Variants in CIAO1 observed in about 807,000 individuals in gnomAD.
CIAO1 encodes the protein probable cytosolic iron-sulfur protein assembly protein CIAO1.
A neutral mutation model predicts 43.1 loss-of-function variants in CIAO1; 32 were observed. The ratio of observed to expected loss-of-function variants is 0.74; its 90% CI spans 0.56 to 1.00. CIAO1 has a LOEUF of 1.00. Among genes scored for constraint, CIAO1 ranks in the 50% least tolerant of loss-of-function variants. The probability of loss-of-function intolerance (pLI) is 0.00; values close to 1 mark genes in which losing one functional copy is unlikely to be tolerated. For missense variants in CIAO1, 415 were observed against 437.4 expected (o/e 0.95, Z 0.46); for synonymous variants, 183 against 171.4 (o/e 1.07, Z -0.53).
At position 96,269,152 on chromosome 2, in the gene CIAO1, C is replaced by T. The variant is rs559424305; in HGVS notation, c.692-116C>T. On this transcript the variant is annotated intron_variant, in intron 5 of 6. Coordinates refer to ENST00000488633, the MANE Select transcript of CIAO1 (RefSeq NM_004804.3). ...AGATAAGCAGGGATGGGGACACGAA[C>T]GGAGACACAGACTCATAATCAGTTG... The T allele has an allele frequency of 1.3e-4, 111 of 850,552 alleles. 1 individual carries two copies. The African/African-American group carries it at 1.6e-3, about 12-fold the overall frequency. The allele number at this position is 850,552 out of a possible 1,614,324, so 52.7% of individuals were successfully genotyped here. A position where few individuals can be genotyped will look rare whatever the true frequency, so the allele number is the denominator to read the frequency against.
In CIAO1 at chr2:96,271,349, TGAG is replaced by T. The variant is rs758328244; in HGVS notation, c.1019_*1del. The T allele has an allele frequency of 1.4e-5, 22 of 1,613,618 alleles. No homozygotes were observed. The highest frequency in any genetic ancestry group is 1.9e-5 in the Non-Finnish European group (22 of 1,179,962). ...GAAGTATCAGCGGCCTGAAGGCCTC[TGAG>T]CTACCTCGACTTTGGACAGAGTAAT... On this transcript the variant is annotated stop_lost and 3_prime_UTR_variant, in exon 7 of 7. Transcript: ENST00000488633.
In CIAO1 at chr2:96,272,104, T is replaced by G. The variant is rs987203559; in HGVS notation, c.*753T>G. On this transcript the variant is annotated 3_prime_UTR_variant, in exon 7 of 7. Coordinates refer to ENST00000488633, the MANE Select transcript of CIAO1 (RefSeq NM_004804.3). ...CTCCTAAGGCCCACAGCACATATAG[T>G]GTGTCTGTGATATTCCATTTTCATG... The G allele has an allele frequency of 6.6e-6, 1 of 152,134 alleles. No homozygotes were observed. Among genetic ancestry groups the G allele is most frequent in the Non-Finnish European group, 1.5e-5 (1 of 68,022 alleles). The allele number at this position is 152,134 out of a possible 1,614,324, so 9.4% of individuals were successfully genotyped here.
At position 96,267,401 on chromosome 2, in the gene CIAO1, A is replaced by T. The variant is rs1377504692; in HGVS notation, c.220A>T (p.Asn74Tyr). The change falls in exon 2 of 7, where the codon AAT becomes TAT. Residue 74 changes from asparagine (N) to tyrosine (Y), a missense_variant. By Grantham distance (143) the Asn-to-Tyr change is moderately radical (BLOSUM62 -2). Coordinates refer to ENST00000488633, the MANE Select transcript of CIAO1 (RefSeq NM_004804.3). ...GAAGGTAGCCTGGTCCCCCTGCGGT[A>T]ATTACCTGGCCTCTGCCAGCTTTGA... ...VRKVAWSPCGNYLASASFDAT... is the reference protein window; with the variant it reads ...VRKVAWSPCGYYLASASFDAT... 6.2e-7 allele frequency: 1 copy of T among 1,614,154 alleles called. No individual in the cohort carries two copies. Among genetic ancestry groups the T allele is most frequent in the Admixed American group, 1.7e-5 (1 of 60,026 alleles).
In CIAO1 at chr2:96,266,296, C is replaced by A; in HGVS notation, c.-55C>A. The A allele has an allele frequency of 7.5e-7, 1 of 1,328,670 alleles. No homozygotes were observed. The allele number at this position is 1,328,670 out of a possible 1,614,324, so 82.3% of individuals were successfully genotyped here. A position where few individuals can be genotyped will look rare whatever the true frequency, so the allele number is the denominator to read the frequency against. The stretch of plus-strand genomic sequence containing the variant: ...GTACGCAGACGCGCGCGGTGAGACC[C>A]GCTGTCTGCTCAGCGGACTCTGCCC... On this transcript the variant is annotated 5_prime_UTR_variant, in exon 1 of 7. Transcript: ENST00000488633.
rs1558759649 is a variant in CIAO1, at chr2:96,271,122, C to G, written c.791C>G (p.Thr264Arg). 1 of 1,614,228 alleles carries G rather than the reference C, an allele frequency of 6.2e-7. No homozygotes were observed. The highest frequency in any genetic ancestry group is 8.5e-7 in the Non-Finnish European group (1 of 1,180,044). Residue 264 changes from threonine (T) to arginine (R), a missense_variant, in exon 7 of 7, where the codon ACA (threonine) becomes AGA (arginine). By Grantham distance (71) the Thr-to-Arg change is moderately conservative (BLOSUM62 -1). Transcript: ENST00000488633. The stretch of plus-strand genomic sequence containing the variant: ...CACTTTCCTTCCAGGTGTCAGCTGA[C>G]AGGGGCTCTGGCCACAGCTTGTGGG... The part of the protein sequence containing the change: ...TIYDIAWCQL[T>R]GALATACGDD...
chr2:96,267,979 C>T (rs966525448), intron 4 of CIAO1, 55 bp downstream of exon 4: 6 of 1,408,416 alleles, frequency 4.3e-6, no homozygotes, highest in South Asian at 2.3e-5. Context: ...AGGCTTGTGC[C>T]CAGCCTTCCT....
rs1183059451 is a variant in CIAO1 at position 96,271,657 on chromosome 2, G to C, written c.*306G>C. Reference sequence around the variant, plus strand: ...TTATAATCACTATATATAGTAGGAGGGGGTATGTGTCTCAGGCTTTTCTGA... The same window carrying C: ...TTATAATCACTATATATAGTAGGAGCGGGTATGTGTCTCAGGCTTTTCTGA... On this transcript the variant is annotated 3_prime_UTR_variant, in exon 7 of 7. Transcript: ENST00000488633. 8.6e-6 allele frequency: 2 copies of C among 231,558 alleles called. No homozygotes were observed. The highest frequency in any genetic ancestry group is 1.7e-5 in the Non-Finnish European group (2 of 117,614). 14.3% of individuals were successfully genotyped at this position (231,558 alleles called of 1,614,324 possible). A position where few individuals can be genotyped will look rare whatever the true frequency, so the allele number is the denominator to read the frequency against.
chr2:96,271,079 A>G (rs1348263045), intron 6 of CIAO1, 32 bp from the exon 7 acceptor site: 5 of 1,612,628 alleles, frequency 3.1e-6, no homozygotes, highest in Non-Finnish European at 4.2e-6. Context: ...CTAATTAGTC[A>G]GGTATACCCA....
chr2:96,269,079 C>G (rs1471665326), intron 5 of CIAO1, 189 bp from the exon 6 acceptor site: 2 of 621,500 alleles, frequency 3.2e-6, no homozygotes, highest in Admixed American at 5.6e-5. Context: ...GGGATGTTTC[C>G]TCGGAATTCT....
Position 96,267,370 on chromosome 2 carries a change from C to A in CIAO1, c.189C>A (p.Thr63=). The change falls in exon 2 of 7, where the codon ACC becomes ACA. Residue 63 remains threonine (T), a synonymous_variant. Coordinates refer to ENST00000488633, the MANE Select transcript of CIAO1 (RefSeq NM_004804.3). ...TCCTTTCTGAAGGCCACCAGCGCACCGTGCGGAAGGTAGCCTGGTCCCCCT... is the reference window on the plus strand; with the variant it reads ...TCCTTTCTGAAGGCCACCAGCGCACAGTGCGGAAGGTAGCCTGGTCCCCCT... ...KSVLSEGHQR[T]VRKVAWSPCG... The A allele has an allele frequency of 1.2e-6, 2 of 1,614,138 alleles. No homozygotes were observed. The highest frequency in any genetic ancestry group is 1.7e-6 in the Non-Finnish European group (2 of 1,180,002).
intron 3 of CIAO1, 46 bp downstream of exon 3, chr2:96,267,782 C>T (rs746971066): frequency 1.9e-6 from 3 of 1,610,640 alleles, no homozygotes; most frequent in Non-Finnish European, 2.5e-6. Flanking sequence ...CCTGACAGCC[C>T]CCTCTGTGTC....
Position 96,271,307 on chromosome 2 carries a change from G to A in CIAO1, c.976G>A (p.Gly326Arg). The A allele has an allele frequency of 1.2e-6, 2 of 1,614,182 alleles. No homozygotes were observed. The highest frequency in any genetic ancestry group is 8.5e-7 in the Non-Finnish European group (1 of 1,180,034). Residue 326 changes from glycine to arginine, a missense_variant, in exon 7 of 7, where the codon GGG (glycine) becomes AGG (arginine). Physicochemically the swap from Gly to Arg is moderately radical, Grantham distance 125. Coordinates refer to ENST00000488633, the MANE Select transcript of CIAO1 (RefSeq NM_004804.3). ...PGLLASCSDD[G>R]EVAFWKYQRP... ...GCTACTGGCCTCCTGCAGTGATGAT[G>A]GGGAGGTGGCCTTCTGGAAGTATCA...
chr2:96,266,477 TG>T lies in CIAO1; in HGVS notation c.131del (p.Gly44AlafsTer24). On this transcript the variant is annotated frameshift_variant, in exon 1 of 7. Coordinates refer to ENST00000488633, the MANE Select transcript of CIAO1 (RefSeq NM_004804.3). LOFTEE classifies it high-confidence loss of function. ...CGGCGGCGACCGGAGAATCCGCATC[TG>T]GGGCACGGAGGGTAAGGCCCAGCCT... ...SCGGDRRIRI[W>X]GTEGDSWICK... 6.5e-7 allele frequency: 1 copy of T among 1,543,572 alleles called. No individual in the cohort carries two copies. The highest frequency in any genetic ancestry group is 1.2e-5 in the South Asian group (1 of 85,212).
In CIAO1 at chr2:96,274,160, G is replaced by GAA. The variant is rs937618471; in HGVS notation, c.*2821_*2822dup. ...GAAAAATAAATTTGTTATTTAAAAA[G>GAA]AAAAAAAAAAAAACAAAAACCTGAG... is the stretch of plus-strand genomic sequence containing the variant. On this transcript the variant is annotated 3_prime_UTR_variant, in exon 7 of 7. Coordinates refer to ENST00000488633, the MANE Select transcript of CIAO1 (RefSeq NM_004804.3). Among the ~76,000 whole-genome samples, 1 of 116,762 alleles carries GAA rather than the reference G, an allele frequency of 8.6e-6. No individual in the cohort carries two copies. 76.6% of individuals were successfully genotyped at this position (116,762 alleles called of 152,430 possible).
chr2:96,267,261 A>G (rs1050026746), intron 1 of CIAO1, 60 bp from the exon 2 acceptor site: 7 of 1,536,944 alleles, frequency 4.6e-6, no homozygotes, highest in Admixed American at 2.0e-5. Flanking sequence ...AGCCCCTGAT[A>G]TTGAATGGCT....
rs1190901712 is a variant in CIAO1, at chr2:96,272,016, A to G, written c.*665A>G. On this transcript the variant is annotated 3_prime_UTR_variant, in exon 7 of 7. Coordinates refer to ENST00000488633, the MANE Select transcript of CIAO1 (RefSeq NM_004804.3). ...ACTGGCCACAAGCCCTGTATTCTCA[A>G]CAGGGATGCAAATTGGTTCTTCAGT... 1 of 152,296 alleles carries G rather than the reference A, an allele frequency of 6.6e-6. No homozygotes were observed. Among genetic ancestry groups the G allele is most frequent in the South Asian group, 2.1e-4 (1 of 4,838 alleles). 9.4% of individuals were successfully genotyped at this position (152,296 alleles called of 1,614,324 possible). A position where few individuals can be genotyped will look rare whatever the true frequency, so the allele number is the denominator to read the frequency against.
At chr2:96,268,971 G>C (rs901508119) in intron 5 of CIAO1, 8 of 572,742 alleles carry the variant, frequency 1.4e-5, no homozygotes, top group Middle Eastern at 9.2e-4. Flanking sequence ...TGGGGCATAG[G>C]ACGTCTGGGG....
chr2:96,273,611 C>T lies in CIAO1; in HGVS notation c.*2260C>T, dbSNP rs1360374492. Reference sequence around the variant, plus strand: ...CCGGGAGGTGGAGGTTGCAGTGAGTCGAGATCGTGCCACTGGACTCCAGCC... The same window carrying T: ...CCGGGAGGTGGAGGTTGCAGTGAGTTGAGATCGTGCCACTGGACTCCAGCC... On this transcript the variant is annotated 3_prime_UTR_variant, in exon 7 of 7. Coordinates refer to ENST00000488633, the MANE Select transcript of CIAO1 (RefSeq NM_004804.3). 1.4e-5 allele frequency among the ~76,000 whole-genome samples: 2 copies of T among 138,322 alleles called. No homozygotes were observed. Among genetic ancestry groups the T allele is most frequent in the Non-Finnish European group, 3.0e-5 (2 of 66,464 alleles). 90.7% of individuals were successfully genotyped at this position (138,322 alleles called of 152,430 possible).
At chr2:96,267,546 G>T in intron 2 of CIAO1, 77 bp downstream of exon 2, 1 of 1,608,104 alleles carries the variant, frequency 6.2e-7, no homozygotes, top group Non-Finnish European at 8.5e-7. Flanking sequence ...GCCAACCTGC[G>T]CCAGTTGGGC....
Sources: gnomAD v4.1 joint callset for allele counts (sites outside exome capture counted in the v4.1 genomes callset) on GRCh38, gnomAD v4.1.1 for gene constraint, MANE v1.5 for transcripts, NCBI Gene and HGNC (gene_info 2026-07-23, HGNC 2026-07-21) for gene names.